Variants in MALRD1 observed in about 807,000 individuals in gnomAD.
The protein encoded by MALRD1 is MAM and LDL receptor class A domain containing 1, also known as MAM and LDL-receptor class A domain-containing protein 1.
In MALRD1, 247 loss-of-function variants were observed where a neutral mutation model predicts 242.1. The ratio of observed to expected loss-of-function variants is 1.02; its 90% CI spans 0.92 to 1.13. The LOEUF (loss-of-function observed/expected upper bound fraction) is 1.13. MALRD1 is among the 50% of genes most tolerant of loss of function. The pLI, the probability that MALRD1 is intolerant of heterozygous loss-of-function variation, is 0.00. For missense variants in MALRD1, 2,989 were observed against 2,533.1 expected, an observed-to-expected ratio of 1.18 and a Z score of -3.86; for synonymous variants, 995 against 866.6, an observed-to-expected ratio of 1.15 and a Z score of -2.60.
At chr10:19,254,078 C>T (rs895340951) in intron 18 of MALRD1, among the ~76,000 whole-genome samples, 11 of 152,012 alleles carry the variant, frequency 7.2e-5, no homozygotes, top group Admixed American at 1.3e-4. Flanking sequence ...CCCAGCCCTA[C>T]GGAACTGTGA....
chr10:19,330,887 G>A (rs1367380582), intron 23 of MALRD1, among the ~76,000 whole-genome samples: 1 of 151,936 alleles, frequency 6.6e-6, no homozygotes, highest in East Asian at 1.9e-4. Flanking sequence ...TGGTATTGAG[G>A]ACTTATCTTT....
intron 24 of MALRD1, among the ~76,000 whole-genome samples, chr10:19,332,177 G>GT (rs752668636): frequency 6.4e-4 from 94 of 146,470 alleles, no homozygotes; most frequent in South Asian, 2.0e-3. Flanking sequence ...AATAAATGTT[G>GT]TTTTTTTTTT....
chr10:19,406,500 C>G (rs545323073), intron 28 of MALRD1, among the ~76,000 whole-genome samples: 1 of 152,048 alleles, frequency 6.6e-6, no homozygotes, highest in Admixed American at 6.6e-5. Flanking sequence ...GATGAGATCC[C>G]GTCAGGTGTT....
At chr10:19,109,280 C>T (rs553764192) in intron 5 of MALRD1, among the ~76,000 whole-genome samples, 87 of 152,186 alleles carry the variant, frequency 5.7e-4, no homozygotes, top group African/African-American at 1.9e-3. Context: ...GCGTTACCTC[C>T]CTGTCGGGGA....
At chr10:19,576,537 G>A (rs1006657597) in intron 33 of MALRD1, among the ~76,000 whole-genome samples, 4 of 152,130 alleles carry the variant, frequency 2.6e-5, no homozygotes, top group African/African-American at 9.6e-5. Flanking sequence ...ATTCATACAA[G>A]TTATAAAGAG....
intron 31 of MALRD1, among the ~76,000 whole-genome samples, chr10:19,525,836 AT>A (rs562747889): frequency 8.2e-4 from 125 of 152,298 alleles, no homozygotes; most frequent in African/African-American, 2.9e-3. Flanking sequence ...TACAAAATTA[AT>A]TGAATGCATT....
At chr10:19,413,062 T>A (rs1338765792) in intron 28 of MALRD1, among the ~76,000 whole-genome samples, 1 of 152,128 alleles carries the variant, frequency 6.6e-6, no homozygotes, top group African/African-American at 2.4e-5. Context: ...ATAGTTAACA[T>A]CAATTGTGGA....
intron 10 of MALRD1, among the ~76,000 whole-genome samples, chr10:19,141,062 A>G (rs1833523111): frequency 1.3e-5 from 2 of 152,186 alleles, no homozygotes; most frequent in Non-Finnish European, 2.9e-5. Flanking sequence ...TTACAATTTT[A>G]TTTGTCACTT....
intron 33 of MALRD1, among the ~76,000 whole-genome samples, chr10:19,587,539 T>C (rs377663518): frequency 5.9e-5 from 9 of 152,264 alleles, no homozygotes; most frequent in Non-Finnish European, 1.3e-4. Flanking sequence ...GGAACTTGTA[T>C]GAAATTCTTG....
intron 33 of MALRD1, among the ~76,000 whole-genome samples, chr10:19,582,347 T>A (rs1310063587): frequency 6.7e-6 from 1 of 149,742 alleles, no homozygotes; most frequent in Admixed American, 6.6e-5. Flanking sequence ...AGGGTTTTTA[T>A]GGTTTTAGGT....
intron 19 of MALRD1, among the ~76,000 whole-genome samples, chr10:19,261,323 T>C (rs1839736647): frequency 6.6e-6 from 1 of 151,928 alleles, no homozygotes; most frequent in Admixed American, 6.6e-5. Flanking sequence ...TTTTTTGCAA[T>C]GGCATAACAA....
At chr10:19,238,391 T>C (rs1316680193) in intron 18 of MALRD1, among the ~76,000 whole-genome samples, 5 of 71,300 alleles carry the variant, frequency 7.0e-5, no homozygotes, top group African/African-American at 2.7e-4. Context: ...ATATATTATA[T>C]ATGTTATATA....
At chr10:19,718,258 T>A (rs1374369057) in intron 38 of MALRD1, among the ~76,000 whole-genome samples, 2 of 150,998 alleles carry the variant, frequency 1.3e-5, no homozygotes, top group Non-Finnish European at 3.0e-5. Context: ...TACCTGAGGC[T>A]GAGGCTGGAT....
intron 19 of MALRD1, among the ~76,000 whole-genome samples, chr10:19,275,465 A>G (rs567797459): frequency 3.5e-4 from 53 of 152,180 alleles, no homozygotes; most frequent in African/African-American, 8.4e-4. Context: ...TCAGGAGATC[A>G]AGACCATCCT....
chr10:19,293,454 A>G (rs774322313), intron 21 of MALRD1, among the ~76,000 whole-genome samples: 2 of 152,250 alleles, frequency 1.3e-5, no homozygotes, highest in Non-Finnish European at 2.9e-5. Context: ...CCTTGAGTTA[A>G]GGATCTATTA....
intron 28 of MALRD1, among the ~76,000 whole-genome samples, chr10:19,428,006 A>T (rs1173418450): frequency 2.0e-5 from 3 of 152,134 alleles, no homozygotes; most frequent in African/African-American, 7.2e-5. Context: ...TAGAAGCATC[A>T]AGAGCTGTAA....
At chr10:19,229,242 C>G (rs761423441) in intron 18 of MALRD1, among the ~76,000 whole-genome samples, 1 of 151,952 alleles carries the variant, frequency 6.6e-6, no homozygotes, top group Non-Finnish European at 1.5e-5. Flanking sequence ...AATAAGTAAA[C>G]TAGTATAACG....
intron 33 of MALRD1, among the ~76,000 whole-genome samples, chr10:19,589,289 CTATA>C (rs35036431): frequency 1.3e-5 from 2 of 150,844 alleles, no homozygotes; most frequent in Admixed American, 6.6e-5. Flanking sequence ...TAAAGTATGT[CTATA>C]TATATATATA....
intron 4 of MALRD1, among the ~76,000 whole-genome samples, chr10:19,099,900 A>G (rs1044238857): frequency 6.6e-6 from 1 of 151,630 alleles, no homozygotes; most frequent in African/African-American, 2.4e-5. Context: ...GGCTGGGATT[A>G]CAGGTGTGTA....
Sources: gnomAD v4.1 joint callset for allele counts (sites outside exome capture counted in the v4.1 genomes callset) on GRCh38, gnomAD v4.1.1 for gene constraint, MANE v1.5 for transcripts, NCBI Gene and HGNC (gene_info 2026-07-23, HGNC 2026-07-21) for gene names.